Variants in TTLL5 observed in about 807,000 individuals in gnomAD.
TTLL5 encodes tubulin tyrosine ligase like 5.
Under a neutral mutation model 168.4 loss-of-function variants are expected in TTLL5, and 132 were observed. That is an observed-to-expected ratio of 0.78 (90% CI 0.68 to 0.91). The LOEUF (loss-of-function observed/expected upper bound fraction) is 0.91. Ranked by LOEUF, TTLL5 falls within the 40% of genes least tolerant of loss-of-function variation. The probability of loss-of-function intolerance (pLI) is 0.00; values close to 1 mark genes in which losing one functional copy is unlikely to be tolerated. For synonymous variants in TTLL5, 546 were observed against 558.6 expected (o/e 0.98, Z 0.32); for missense variants, 1,545 against 1,581.5 (o/e 0.98, Z 0.39).
At chr14:75,889,922 T>C (rs986375919) in intron 30 of TTLL5, among the ~76,000 whole-genome samples, 48 of 121,920 alleles carry the variant, frequency 3.9e-4, no homozygotes, top group Non-Finnish European at 6.3e-4. Context: ...AGGTAATCTG[T>C]CAAAGAAGGA....
At chr14:75,904,080 C>G (rs572799208) in intron 31 of TTLL5, 1 of 1,224,174 alleles carries the variant, frequency 8.2e-7, no homozygotes, top group East Asian at 6.2e-5. Context: ...TGCTCATGCC[C>G]CAGTTCCCAG....
At chr14:75,745,074 T>C in intron 15 of TTLL5, 21 bp from the exon 16 acceptor site, 2 of 1,607,362 alleles carry the variant, frequency 1.2e-6, no homozygotes, top group Middle Eastern at 1.7e-4. Context: ...TTTTTTACTA[T>C]TTTCATTTTC....
intron 31 of TTLL5, among the ~76,000 whole-genome samples, chr14:75,922,549 T>C (rs892081946): frequency 6.6e-6 from 1 of 152,254 alleles, no homozygotes; most frequent in South Asian, 2.1e-4. Context: ...GATTTGCGTA[T>C]GTTGAACCAG....
intron 31 of TTLL5, among the ~76,000 whole-genome samples, chr14:75,946,305 G>C (rs2034769525): frequency 6.6e-6 from 1 of 152,128 alleles, no homozygotes; most frequent in Non-Finnish European, 1.5e-5. Context: ...AAAAGGTAAA[G>C]TTATTGATGA....
In TTLL5 at chr14:75,776,770, G is replaced by T. The variant is rs1891746454; in HGVS notation, c.2307G>T (p.Lys769Asn). 1 of 1,613,748 alleles carries T rather than the reference G, an allele frequency of 6.2e-7. No individual in the cohort carries two copies. The highest frequency in any genetic ancestry group is 1.3e-5 in the African/African-American group (1 of 74,890). The change falls in exon 23 of 32, where the codon AAG becomes AAT. Residue 769 changes from lysine (K) to asparagine (N), a missense_variant. By Grantham distance (94) the Lys-to-Asn change is moderately conservative. Coordinates refer to ENST00000298832, the MANE Select transcript of TTLL5 (RefSeq NM_015072.5). ...AGGAAACAGAACAAATGGCTGAAAA[G>T]AAATCAAAGAAGAAAGTTGAGGAAG... ...YNKETEQMAEKKSKKKVEEEE... is the reference protein window; with the variant it reads ...YNKETEQMAENKSKKKVEEEE...
rs192352942 is a variant in TTLL5 at position 75,948,311 on chromosome 14, C to T, written c.3824-6113C>T. On this transcript the variant is annotated intron_variant, in intron 31 of 31. Transcript: ENST00000298832. ...ACCAGCCTGGCCAACATGCTGAAAC[C>T]CTGTCTCTACTAAAAATACAAAAAT... Among the ~76,000 whole-genome samples the T allele has an allele frequency of 3.2e-4, 49 of 152,050 alleles. No homozygotes were observed. In the East Asian group the frequency reaches 7.9e-3, roughly 25 times the overall value.
chr14:75,737,909 C>A (rs1451017663), intron 15 of TTLL5, among the ~76,000 whole-genome samples: 2 of 152,050 alleles, frequency 1.3e-5, no homozygotes, highest in African/African-American at 2.4e-5. Context: ...CCAAAATAAT[C>A]CAGGAAGGAA....
chr14:75,852,498 A>T (rs1193918315), intron 28 of TTLL5, among the ~76,000 whole-genome samples: 1 of 152,170 alleles, frequency 6.6e-6, no homozygotes, highest in African/African-American at 2.4e-5. Flanking sequence ...AAAAGTTCAC[A>T]TAGTTTTTCC....
rs554208608 is a variant in TTLL5, at chr14:75,764,658, A to C, written c.1594A>C (p.Asn532His). Residue 532 changes from asparagine to histidine, a missense_variant, in exon 19 of 32, where the codon AAT (asparagine) becomes CAT (histidine). Asn to His is a moderately conservative substitution (Grantham distance 68). Coordinates refer to ENST00000298832, the MANE Select transcript of TTLL5 (RefSeq NM_015072.5). ...GAPELKIESL[N>H]SKAKLHAALY... ...GCCAGAATTGAAGATAGAGAGTCTGAATTCAAAGGCCAAGCTGCATGCTGC... is the reference window on the plus strand; with the variant it reads ...GCCAGAATTGAAGATAGAGAGTCTGCATTCAAAGGCCAAGCTGCATGCTGC... 39 of 1,614,164 alleles carry C rather than the reference A, an allele frequency of 2.4e-5. No individual in the cohort carries two copies. The South Asian group carries it at 3.8e-4, about 16-fold the overall frequency.
intron 7 of TTLL5, among the ~76,000 whole-genome samples, chr14:75,702,485 A>T (rs1886341168): frequency 6.6e-6 from 1 of 152,236 alleles, no homozygotes; most frequent in African/African-American, 2.4e-5. Context: ...AGTCAAAAAG[A>T]ATAGGATCTA....
chr14:75,892,104 T>C (rs1004273704), intron 30 of TTLL5, among the ~76,000 whole-genome samples: 4 of 152,324 alleles, frequency 2.6e-5, no homozygotes, highest in African/African-American at 9.6e-5. Flanking sequence ...CACTAATAAC[T>C]CTAAAGGCAA....
intron 17 of TTLL5, among the ~76,000 whole-genome samples, chr14:75,751,267 A>G (rs1172289910): frequency 1.3e-5 from 2 of 152,142 alleles, no homozygotes; most frequent in Admixed American, 1.3e-4. Flanking sequence ...ATGGATAGAA[A>G]ATTTGTTCTT....
chr14:75,716,847 G>A (rs777835207), intron 9 of TTLL5, among the ~76,000 whole-genome samples: 6 of 152,108 alleles, frequency 3.9e-5, no homozygotes, highest in South Asian at 2.1e-4. Flanking sequence ...ACAACAGTCC[G>A]GGATATCAAA....
intron 3 of TTLL5, among the ~76,000 whole-genome samples, chr14:75,674,917 T>TA (rs1256951166): frequency 6.6e-6 from 1 of 152,020 alleles, no homozygotes; most frequent in Non-Finnish European, 1.5e-5. Context: ...TTACTCAATA[T>TA]AAAAAAACCA....
intron 8 of TTLL5, 37 bp downstream of exon 8, chr14:75,707,124 G>C: frequency 6.5e-7 from 1 of 1,547,788 alleles, no homozygotes; most frequent in Non-Finnish European, 8.9e-7. Context: ...AATTGGGCCA[G>C]ATTTTTGCTC....
intron 17 of TTLL5, among the ~76,000 whole-genome samples, chr14:75,751,858 G>A (rs916042048): frequency 6.6e-6 from 1 of 152,162 alleles, no homozygotes; most frequent in African/African-American, 2.4e-5. Context: ...CAAAGTAAAG[G>A]AATAAAAGAA....
At chr14:75,851,001 G>A (rs1012739834) in intron 28 of TTLL5, among the ~76,000 whole-genome samples, 61 of 151,456 alleles carry the variant, frequency 4.0e-4, no homozygotes, top group African/African-American at 1.5e-3. Flanking sequence ...GGCGGAGGTG[G>A]CGGAGGGATT....
At chr14:75,694,029 A>G (rs1438201551) in intron 6 of TTLL5, among the ~76,000 whole-genome samples, 3 of 152,344 alleles carry the variant, frequency 2.0e-5, no homozygotes, top group East Asian at 1.9e-4. Context: ...TTTCTACTCC[A>G]GGTTCATTGC....
rs1310344349 is a variant in TTLL5, at chr14:75,799,252, G to A, written c.3171+6152G>A. On this transcript the variant is annotated intron_variant, in intron 27 of 31. Transcript: ENST00000298832. ...TGTCTCTTTAAACTGTTATTGCTTT[G>A]AATCTTTAAAGTTTGCTTTGTCTGA... is the stretch of plus-strand genomic sequence containing the variant. Among the ~76,000 whole-genome samples the A allele has an allele frequency of 6.6e-5, 10 of 151,968 alleles. No homozygotes were observed. In the East Asian group the frequency reaches 1.9e-3, roughly 29 times the overall value.
Sources: allele counts gnomAD v4.1 joint callset (sites outside exome capture counted in the v4.1 genomes callset), GRCh38; gene constraint gnomAD v4.1.1; transcripts MANE v1.5; gene names NCBI Gene and HGNC (gene_info 2026-07-23, HGNC 2026-07-21).